The following TLCD3B variants were observed in gnomAD, a reference collection of about 807,000 sequenced individuals.
TLCD3B encodes the protein ceramide synthase.
Under a neutral mutation model 23.0 loss-of-function variants are expected in TLCD3B, and 9 were observed. The ratio of observed to expected loss-of-function variants is 0.39; its 90% CI spans 0.24 to 0.68. The LOEUF (loss-of-function observed/expected upper bound fraction) is 0.68, where lower values mean the gene tolerates loss of function less well. Ranked by LOEUF, TLCD3B falls within the 30% of genes least tolerant of loss-of-function variation. The pLI is 0.44. For missense variants in TLCD3B, 307 were observed against 371.8 expected, an observed-to-expected ratio of 0.83 and a Z score of 1.43; for synonymous variants, 161 against 161.0, an observed-to-expected ratio of 1.00 and a Z score of 0.00.
intron 1 of TLCD3B, among the ~76,000 whole-genome samples, chr16:30,050,762 T>C (rs2071737447): frequency 6.6e-6 from 1 of 152,150 alleles, no homozygotes; most frequent in Non-Finnish European, 1.5e-5. Context: ...CCCTGGCAGT[T>C]TCCGTGGCTG....
intron 2 of TLCD3B, among the ~76,000 whole-genome samples, chr16:30,042,647 T>C (rs897103707): frequency 2.6e-5 from 4 of 152,316 alleles, no homozygotes; most frequent in Non-Finnish European, 5.9e-5. Context: ...TGGCTGGCAA[T>C]TAGACTGGGA....
chr16:30,044,429 T>C (rs4788218), intron 2 of TLCD3B, among the ~76,000 whole-genome samples: 43,037 of 151,982 alleles, frequency 0.28, 7,671 homozygotes, highest in South Asian at 0.42. Context: ...TGCCTCAGCC[T>C]CCCGAGTAGC....
upstream of TLCD3B, chr16:30,033,562 A>C (rs894158039): frequency 2.0e-5 from 3 of 152,234 alleles, no homozygotes; most frequent in Admixed American, 2.0e-4. Flanking sequence ...ATAGATCTGC[A>C]GCCCAAGGGC....
At chr16:30,039,003 G>C (rs1326588388) in intron 3 of TLCD3B, among the ~76,000 whole-genome samples, 1 of 148,168 alleles carries the variant, frequency 6.7e-6, no homozygotes, top group Admixed American at 6.8e-5. Flanking sequence ...CTAAGGAACT[G>C]AAAGGCTTTT....
chr16:30,026,522 C>G, intron 3 of TLCD3B, 87 bp downstream of exon 3: 1 of 1,203,662 alleles, frequency 8.3e-7, no homozygotes, highest in Non-Finnish European at 1.2e-6. Context: ...AGTACGCAGA[C>G]CCGGGGCTTC....
chr16:30,029,422 C>T lies in TLCD3B; in HGVS notation c.209+10G>A. On this transcript the variant is annotated intron_variant, in intron 2 of 4. Transcript: ENST00000380495. The surrounding 1 kb of genome is among the most constrained non-coding windows in gnomAD (Gnocchi z 4.6). ...GGCACCTGGGCAGGGGGGTGTCTCG[C>T]AGCACTTACTGGTCATCAATGATGT... 1 of 1,613,216 alleles carries T rather than the reference C, an allele frequency of 6.2e-7. No homozygotes were observed. Among genetic ancestry groups the T allele is most frequent in the Non-Finnish European group, 8.5e-7 (1 of 1,179,448 alleles).
chr16:30,040,147 A>AAAATATAT, intron 3 of TLCD3B, among the ~76,000 whole-genome samples: 1,268 of 95,810 alleles, frequency 0.013, 18 homozygotes, highest in South Asian at 0.047. Context: ...AAAAAAAAAA[A>AAAATATAT]ATATATATAT....
chr16:30,043,364 C>T (rs961517982), intron 2 of TLCD3B, among the ~76,000 whole-genome samples: 8 of 150,186 alleles, frequency 5.3e-5, no homozygotes, highest in African/African-American at 2.0e-4. Context: ...GCTGGGACTA[C>T]AGGCTCTCAG....
At chr16:30,038,702 A>T (rs1183268029) in intron 3 of TLCD3B, among the ~76,000 whole-genome samples, 1 of 152,048 alleles carries the variant, frequency 6.6e-6, no homozygotes, top group East Asian at 1.9e-4. Context: ...GTGAGCTGAG[A>T]AGCCGAGATC....
Position 30,029,855 on chromosome 16 carries a change from G to A in TLCD3B, c.126-340C>T, listed in dbSNP as rs141439782. 6.0e-4 allele frequency among the ~76,000 whole-genome samples: 91 copies of A among 152,300 alleles called. No individual in the cohort carries two copies. The highest frequency in any genetic ancestry group is 1.9e-3 in the African/African-American group (81 of 41,554). Reference sequence around the variant, plus strand: ...ACTGCTGGCCTGGACCTCTCCCCACGAGGGGAGCCTGGGCCGGTTCTTGCC... The same window carrying A: ...ACTGCTGGCCTGGACCTCTCCCCACAAGGGGAGCCTGGGCCGGTTCTTGCC... On this transcript the variant is annotated intron_variant, in intron 1 of 4. Coordinates refer to ENST00000380495, the MANE Select transcript of TLCD3B (RefSeq NM_031478.6). This position sits in a 1 kb window ranked among gnomAD's most constrained non-coding sequence, Gnocchi z 4.6.
intron 3 of TLCD3B, among the ~76,000 whole-genome samples, chr16:30,036,945 C>T (rs2150989987): frequency 6.6e-6 from 1 of 151,070 alleles, no homozygotes; most frequent in South Asian, 2.1e-4. Flanking sequence ...ATTAGCCAGG[C>T]GTGATGGTGG....
At position 30,029,448 on chromosome 16, in the gene TLCD3B, G is replaced by A; in HGVS notation, c.193C>T (p.His65Tyr). The A allele has an allele frequency of 1.2e-6, 2 of 1,613,996 alleles. No individual in the cohort carries two copies. The highest frequency in any genetic ancestry group is 8.5e-7 in the Non-Finnish European group (1 of 1,179,922). The change falls in exon 2 of 5, where the codon CAC becomes TAC. Residue 65 changes from histidine (H) to tyrosine (Y), a missense_variant. His to Tyr is a moderately conservative substitution (Grantham distance 83, BLOSUM62 2). Coordinates refer to ENST00000380495, the MANE Select transcript of TLCD3B (RefSeq NM_031478.6). This position sits in a 1 kb window ranked among gnomAD's most constrained non-coding sequence, Gnocchi z 4.6. The part of the protein sequence containing the change: ...AGYIVSTSCK[H>Y]IIDDQHWLSS... ...AGCACTTACTGGTCATCAATGATGTGCTTGCAGGAGGTGGAGACGATGTAG... is the reference window on the plus strand; with the variant it reads ...AGCACTTACTGGTCATCAATGATGTACTTGCAGGAGGTGGAGACGATGTAG...
intron 1 of TLCD3B, among the ~76,000 whole-genome samples, chr16:30,049,389 C>T (rs1195562412): frequency 6.6e-6 from 1 of 152,158 alleles, no homozygotes. Context: ...TCCCTTCCCA[C>T]GTCCAAGCCT....
chr16:30,029,087 C>T lies in TLCD3B; in HGVS notation c.209+345G>A, dbSNP rs2071271111. Among the ~76,000 whole-genome samples the T allele has an allele frequency of 6.6e-6, 1 of 152,128 alleles. No homozygotes were observed. The highest frequency in any genetic ancestry group is 2.4e-5 in the African/African-American group (1 of 41,428). ...TGAGCCTGGCATGAGGAGGGGGCACCCCATCTGGGTGCTGGCTGGAAATGG... is the reference window on the plus strand; with the variant it reads ...TGAGCCTGGCATGAGGAGGGGGCACTCCATCTGGGTGCTGGCTGGAAATGG... On this transcript the variant is annotated intron_variant, in intron 2 of 4. Coordinates refer to ENST00000380495, the MANE Select transcript of TLCD3B (RefSeq NM_031478.6). This position sits in a 1 kb window ranked among gnomAD's most constrained non-coding sequence, Gnocchi z 4.6.
At position 30,030,800 on chromosome 16, in the gene TLCD3B, A is replaced by G. The variant is rs1435135056; in HGVS notation, c.-273T>C. On this transcript the variant is annotated 5_prime_UTR_variant, in exon 1 of 5. Transcript: ENST00000380495. The stretch of plus-strand genomic sequence containing the variant: ...GCCAGCGAGGGATGGGGAGAGGCAA[A>G]GAGGGGATGGCTTGGTGAGGGACAG... 8.9e-7 allele frequency: 1 copy of G among 1,119,208 alleles called. No homozygotes were observed. The highest frequency in any genetic ancestry group is 1.1e-6 in the Non-Finnish European group (1 of 918,458). 69.3% of individuals were successfully genotyped at this position (1,119,208 alleles called of 1,614,324 possible).
chr16:30,032,640 G>C (rs2071388314), upstream of TLCD3B: 1 of 129,228 alleles, frequency 7.7e-6, no homozygotes, highest in South Asian at 2.8e-4. Context: ...AAATTTTGTG[G>C]GGTTTTTTTT....
Position 30,029,563 on chromosome 16 carries a change from T to C in TLCD3B, c.126-48A>G. 1 of 1,490,310 alleles carries C rather than the reference T, an allele frequency of 6.7e-7. No individual in the cohort carries two copies. Among genetic ancestry groups the C allele is most frequent in the Non-Finnish European group, 9.3e-7 (1 of 1,073,300 alleles). The allele number at this position is 1,490,310 out of a possible 1,614,324, so 92.3% of individuals were successfully genotyped here. ...CTAGAAAGGCAGAAGGGAAGAGGCGTGTGCCTTGATTTCTCCTCGTTGCTA... is the reference window on the plus strand; with the variant it reads ...CTAGAAAGGCAGAAGGGAAGAGGCGCGTGCCTTGATTTCTCCTCGTTGCTA... On this transcript the variant is annotated intron_variant, in intron 1 of 4. Coordinates refer to ENST00000380495, the MANE Select transcript of TLCD3B (RefSeq NM_031478.6). This position sits in a 1 kb window ranked among gnomAD's most constrained non-coding sequence, Gnocchi z 4.6.
chr16:30,039,343 G>A (rs1382653006), intron 3 of TLCD3B, among the ~76,000 whole-genome samples: 2 of 151,858 alleles, frequency 1.3e-5, no homozygotes, highest in East Asian at 1.9e-4. Context: ...GGCTGGTCTC[G>A]AACTCCTGAT....
chr16:30,042,960 C>T (rs186982059), intron 2 of TLCD3B, among the ~76,000 whole-genome samples: 5 of 151,958 alleles, frequency 3.3e-5, no homozygotes, highest in Admixed American at 1.3e-4. Context: ...ATTAGCCAGG[C>T]GTGGTGGCAC....
Sources: gnomAD v4.1 joint callset for allele counts (sites outside exome capture counted in the v4.1 genomes callset) on GRCh38, gnomAD v4.1.1 for gene constraint, Gnocchi (gnomAD v3.1) non-coding constraint, MANE v1.5 for transcripts, NCBI Gene and HGNC (gene_info 2026-07-23, HGNC 2026-07-21) for gene names.